GABRB1: variants seen among roughly 807,000 people sequenced by gnomAD.
GABRB1 encodes gamma-aminobutyric acid type A receptor subunit beta1.
Under a neutral mutation model 51.6 loss-of-function variants are expected in GABRB1, and 17 were observed. That is an observed-to-expected ratio of 0.33 (90% CI 0.23 to 0.49). The LOEUF is 0.49. Ranked by LOEUF, GABRB1 falls within the 20% of genes least tolerant of loss-of-function variation. The pLI, the probability that GABRB1 is intolerant of heterozygous loss-of-function variation, is 0.99. For missense variants in GABRB1, 410 were observed against 600.6 expected, an observed-to-expected ratio of 0.68 and a Z score of 3.32; for synonymous variants, 247 against 218.9, an observed-to-expected ratio of 1.13 and a Z score of -1.14.
At chr4:47,185,342 C>G (rs1352586773) in intron 4 of GABRB1, among the ~76,000 whole-genome samples, 3 of 151,814 alleles carry the variant, frequency 2.0e-5, no homozygotes, top group Non-Finnish European at 4.4e-5. Flanking sequence ...TCTCTTAGTC[C>G]TTTTCCTTCC....
intron 3 of GABRB1, among the ~76,000 whole-genome samples, chr4:47,082,985 T>G (rs114077402): frequency 6.6e-6 from 1 of 152,280 alleles, no homozygotes; most frequent in Non-Finnish European, 1.5e-5. Context: ...ATAGAGTATG[T>G]GAAATTATCA....
At chr4:47,231,323 T>G (rs888058966) in intron 4 of GABRB1, among the ~76,000 whole-genome samples, 1 of 152,250 alleles carries the variant, frequency 6.6e-6, no homozygotes, top group Non-Finnish European at 1.5e-5. Flanking sequence ...CAAATCACAG[T>G]AATATTCTGT....
At chr4:47,144,973 T>C (rs1717095628) in intron 3 of GABRB1, among the ~76,000 whole-genome samples, 1 of 151,802 alleles carries the variant, frequency 6.6e-6, no homozygotes, top group South Asian at 2.1e-4. Context: ...AATGGGAGAT[T>C]AATTTGATTT....
chr4:47,374,175 C>A (rs1727301070), intron 5 of GABRB1, among the ~76,000 whole-genome samples: 1 of 152,198 alleles, frequency 6.6e-6, no homozygotes, highest in Admixed American at 6.5e-5. Flanking sequence ...GAATTGTTTA[C>A]ATAATTCTGC....
intron 3 of GABRB1, among the ~76,000 whole-genome samples, chr4:47,096,570 G>C (rs1464828148): frequency 6.6e-6 from 1 of 152,156 alleles, no homozygotes; most frequent in Non-Finnish European, 1.5e-5. Flanking sequence ...AAGGAAATTT[G>C]CAGGTGTGAT....
chr4:47,109,458 C>A (rs1715126288), intron 3 of GABRB1, among the ~76,000 whole-genome samples: 3 of 152,088 alleles, frequency 2.0e-5, no homozygotes, highest in Admixed American at 2.0e-4. Flanking sequence ...TCCACAAATG[C>A]CTAAACTTCA....
intron 8 of GABRB1, among the ~76,000 whole-genome samples, chr4:47,423,124 G>GAAA (rs145404940): frequency 7.0e-6 from 1 of 143,114 alleles, no homozygotes; most frequent in Non-Finnish European, 1.5e-5. Flanking sequence ...TATGTGAATG[G>GAAA]AAAAAAAAAA....
At chr4:47,351,121 T>C (rs567682257) in intron 5 of GABRB1, among the ~76,000 whole-genome samples, 45 of 152,334 alleles carry the variant, frequency 3.0e-4, no homozygotes, top group African/African-American at 1.1e-3. Flanking sequence ...ACAAATACTG[T>C]GTCCTACCAC....
At chr4:47,179,611 A>G (rs1459622096) in intron 4 of GABRB1, among the ~76,000 whole-genome samples, 1 of 152,124 alleles carries the variant, frequency 6.6e-6, no homozygotes, top group Non-Finnish European at 1.5e-5. Flanking sequence ...GAAGACACAA[A>G]ATAAAAAAAT....
At chr4:47,284,488 C>G (rs1005532835) in intron 4 of GABRB1, among the ~76,000 whole-genome samples, 5 of 152,240 alleles carry the variant, frequency 3.3e-5, no homozygotes, top group African/African-American at 1.2e-4. Flanking sequence ...TCTCAACACT[C>G]TACTATGTAG....
chr4:47,264,227 A>G (rs1722560893), intron 4 of GABRB1, among the ~76,000 whole-genome samples: 1 of 152,178 alleles, frequency 6.6e-6, no homozygotes, highest in Non-Finnish European at 1.5e-5. Context: ...ACTTCATAGG[A>G]AAGACTTAAA....
intron 3 of GABRB1, among the ~76,000 whole-genome samples, chr4:47,157,401 TC>T (rs1462138300): frequency 6.6e-6 from 1 of 152,162 alleles, no homozygotes; most frequent in Non-Finnish European, 1.5e-5. Context: ...TTAGAGGCTT[TC>T]TTTTCTACCT....
At chr4:47,033,150 G>A (rs1170163725) in intron 3 of GABRB1, 2 of 181,058 alleles carry the variant, frequency 1.1e-5, no homozygotes, top group East Asian at 2.8e-4. Flanking sequence ...AATAAATCAA[G>A]TCATATTGCT....
intron 5 of GABRB1, among the ~76,000 whole-genome samples, chr4:47,331,622 A>G (rs916083993): frequency 6.6e-6 from 1 of 152,132 alleles, no homozygotes; most frequent in Non-Finnish European, 1.5e-5. Flanking sequence ...TTTAAAATCT[A>G]AAGCTTTTAG....
chr4:47,077,341 C>T (rs1414013753), intron 3 of GABRB1, among the ~76,000 whole-genome samples: 1 of 152,064 alleles, frequency 6.6e-6, no homozygotes, highest in South Asian at 2.1e-4. Context: ...CTTTAGGTCA[C>T]AAAATATTCA....
At chr4:47,076,234 C>T (rs1309274620) in intron 3 of GABRB1, among the ~76,000 whole-genome samples, 1 of 152,206 alleles carries the variant, frequency 6.6e-6, no homozygotes, top group Non-Finnish European at 1.5e-5. Flanking sequence ...GGTCTCTGTG[C>T]TTGTTCCTTC....
At chr4:47,117,880 C>T (rs1715576897) in intron 3 of GABRB1, among the ~76,000 whole-genome samples, 1 of 152,132 alleles carries the variant, frequency 6.6e-6, no homozygotes, top group South Asian at 2.1e-4. Context: ...GTGTCTGGTA[C>T]ACAAGGGACA....
chr4:47,402,124 A>G (rs1409807118), intron 5 of GABRB1, among the ~76,000 whole-genome samples: 1 of 152,224 alleles, frequency 6.6e-6, no homozygotes, highest in East Asian at 1.9e-4. Flanking sequence ...CCTTTTTAAA[A>G]GCGGGGAAGG....
intron 5 of GABRB1, among the ~76,000 whole-genome samples, chr4:47,377,783 C>CA (rs2110025633): frequency 6.6e-6 from 1 of 152,206 alleles, no homozygotes; most frequent in Non-Finnish European, 1.5e-5. Context: ...AAAGGTTCTC[C>CA]AAGTCCCCAC....
Sources: gnomAD v4.1 joint callset for allele counts (sites outside exome capture counted in the v4.1 genomes callset) on GRCh38, gnomAD v4.1.1 for gene constraint, MANE v1.5 for transcripts, NCBI Gene and HGNC (gene_info 2026-07-23, HGNC 2026-07-21) for gene names.